The following TANC2 variants were observed in gnomAD, a reference collection of about 807,000 sequenced individuals.
The protein encoded by TANC2 is tetratricopeptide repeat, ankyrin repeat and coiled-coil containing 2.
TANC2 carries 26 observed loss-of-function variants against 210.5 expected under a neutral mutation model. That is an observed-to-expected ratio of 0.12 (90% CI 0.09 to 0.17). The LOEUF (loss-of-function observed/expected upper bound fraction) is 0.17, where lower values mean the gene tolerates loss of function less well. TANC2 is among the 10% of genes least tolerant of loss of function. The pLI, the probability that TANC2 is intolerant of heterozygous loss-of-function variation, is 1.00. For missense variants in TANC2, 2,129 were observed against 2,608.9 expected (o/e 0.82, Z 4.01); for synonymous variants, 931 against 967.1 (o/e 0.96, Z 0.69).
intron 2 of TANC2, among the ~76,000 whole-genome samples, chr17:63,011,789 T>C (rs1413532162): frequency 6.6e-6 from 1 of 152,120 alleles, no homozygotes; most frequent in African/African-American, 2.4e-5. Context: ...CTTTCATACT[T>C]TTGCTTTCAA....
intron 1 of TANC2, among the ~76,000 whole-genome samples, chr17:62,977,736 TAAAC>T (rs1363872609): frequency 1.3e-5 from 2 of 152,062 alleles, no homozygotes; most frequent in African/African-American, 4.8e-5. Context: ...ACCACTAAAA[TAAAC>T]AAACTCTAGG....
In TANC2 at chr17:63,418,509, T is replaced by G; in HGVS notation, c.4268+102T>G. On this transcript the variant is annotated intron_variant, in intron 27 of 27. Coordinates refer to ENST00000689528, the Ensembl canonical transcript of TANC2. This position sits in a 1 kb window ranked among gnomAD's most constrained non-coding sequence, Gnocchi z 4.6. ...GGGCATATGTACCCAAATACATCTC[T>G]GTCCTTGAGAACTGTCAGGGCCAAG... is the stretch of plus-strand genomic sequence containing the variant. The G allele has an allele frequency of 1.9e-5, 19 of 995,982 alleles. No homozygotes were observed. Among genetic ancestry groups the G allele is most frequent in the Non-Finnish European group, 2.8e-5 (19 of 671,952 alleles). 61.7% of individuals were successfully genotyped at this position (995,982 alleles called of 1,614,324 possible).
At chr17:63,322,335 A>G (rs2045520532) in intron 11 of TANC2, among the ~76,000 whole-genome samples, 1 of 152,138 alleles carries the variant, frequency 6.6e-6, no homozygotes, top group Non-Finnish European at 1.5e-5. Context: ...CGTCTCTACT[A>G]AAAATACAAA....
At chr17:63,376,188 C>G (rs1170003492) in intron 14 of TANC2, among the ~76,000 whole-genome samples, 1 of 151,138 alleles carries the variant, frequency 6.6e-6, no homozygotes, top group Non-Finnish European at 1.5e-5. Context: ...AATCCCAGCA[C>G]TTTGGGAGGC....
At chr17:63,231,303 A>G (rs1367246777) in intron 7 of TANC2, among the ~76,000 whole-genome samples, 4 of 152,160 alleles carry the variant, frequency 2.6e-5, no homozygotes, top group African/African-American at 9.7e-5. Context: ...TGTCATCATG[A>G]TGCTAGCTGG....
chr17:63,023,965 A>C (rs79271632), intron 2 of TANC2, among the ~76,000 whole-genome samples: 3,116 of 152,280 alleles, frequency 0.02, 44 homozygotes, highest in South Asian at 0.037. Flanking sequence ...ATTCACACTC[A>C]TGTGTTCATA....
intron 25 of TANC2, among the ~76,000 whole-genome samples, chr17:63,414,504 A>G (rs2048800637): frequency 1.3e-5 from 2 of 152,146 alleles, no homozygotes; most frequent in Non-Finnish European, 2.9e-5. Flanking sequence ...GAAGGTCCTC[A>G]TTACCCTAGA....
intron 12 of TANC2, among the ~76,000 whole-genome samples, chr17:63,345,299 G>GT (rs1598903498): frequency 2.6e-5 from 4 of 152,168 alleles, no homozygotes; most frequent in African/African-American, 9.7e-5. Context: ...GAAGATGTCA[G>GT]TTTTTTCTTA....
At chr17:62,971,602 T>C (rs1300736678) in intron 1 of TANC2, among the ~76,000 whole-genome samples, 1 of 152,192 alleles carries the variant, frequency 6.6e-6, no homozygotes, top group African/African-American at 2.4e-5. Context: ...AGTGCTGGGA[T>C]TACAGGTGTG....
chr17:63,219,476 A>G (rs1197867080), intron 7 of TANC2, among the ~76,000 whole-genome samples: 1 of 152,182 alleles, frequency 6.6e-6, no homozygotes, highest in Admixed American at 6.5e-5. Context: ...CATTCAGTGC[A>G]ATCCCAAACA....
At chr17:63,182,515 T>C in intron 5 of TANC2, 1 of 256,158 alleles carries the variant, frequency 3.9e-6, no homozygotes, top group Non-Finnish European at 7.8e-6. Context: ...TTATTCAACT[T>C]CTATGAAAAC....
intron 26 of TANC2, among the ~76,000 whole-genome samples, chr17:63,415,927 A>G (rs1208780018): frequency 6.6e-6 from 1 of 152,194 alleles, no homozygotes; most frequent in African/African-American, 2.4e-5. Context: ...GAAAGTGATG[A>G]GAATACCATC....
chr17:63,274,190 A>G (rs1385354308), intron 9 of TANC2, among the ~76,000 whole-genome samples: 1 of 150,758 alleles, frequency 6.6e-6, no homozygotes, highest in Non-Finnish European at 1.5e-5. Context: ...TAACATCAAC[A>G]TTGCTTCATT....
intron 1 of TANC2, among the ~76,000 whole-genome samples, chr17:62,970,683 C>T (rs149657524): frequency 1.3e-5 from 2 of 152,294 alleles, no homozygotes; most frequent in Admixed American, 1.3e-4. Context: ...AAAATCCTCT[C>T]CTTGTCATAT....
At chr17:63,016,118 AAC>A (rs1303245062) in intron 2 of TANC2, among the ~76,000 whole-genome samples, 1 of 152,232 alleles carries the variant, frequency 6.6e-6, no homozygotes, top group Non-Finnish European at 1.5e-5. Flanking sequence ...GTAAAACTTA[AAC>A]ACAGATAATT....
chr17:63,372,429 TTAAAGAC>T (rs2047296704), intron 14 of TANC2, among the ~76,000 whole-genome samples: 1 of 152,220 alleles, frequency 6.6e-6, no homozygotes, highest in Admixed American at 6.5e-5. Flanking sequence ...GCTACACACA[TTAAAGAC>T]TAAAGTTCCA....
intron 7 of TANC2, among the ~76,000 whole-genome samples, chr17:63,203,980 C>T (rs1437803602): frequency 6.6e-6 from 1 of 152,086 alleles, no homozygotes; most frequent in African/African-American, 2.4e-5. Flanking sequence ...ATTTGGCTTC[C>T]TTCTGTAGAT....
intron 5 of TANC2, among the ~76,000 whole-genome samples, chr17:63,171,650 C>T (rs1033329430): frequency 1.5e-4 from 23 of 152,174 alleles, no homozygotes; most frequent in South Asian, 2.1e-4. Flanking sequence ...TGTTGCAAAC[C>T]AATTTTGAAA....
chr17:63,009,418 A>G (rs191975967), intron 1 of TANC2, 119 bp from the exon 2 acceptor site: 22 of 611,162 alleles, frequency 3.6e-5, no homozygotes, highest in African/African-American at 2.6e-4. Flanking sequence ...TTGAGTGGCA[A>G]ACAGTCCAGT....
Sources: gnomAD v4.1 joint callset for allele counts (sites outside exome capture counted in the v4.1 genomes callset) on GRCh38, gnomAD v4.1.1 for gene constraint, Gnocchi (gnomAD v3.1) non-coding constraint, MANE v1.5 for transcripts, NCBI Gene and HGNC (gene_info 2026-07-23, HGNC 2026-07-21) for gene names.